PLEKHO2: variants seen among roughly 807,000 people sequenced by gnomAD.
PLEKHO2 encodes the protein pleckstrin homology domain-containing family O member 2.
Under a neutral mutation model 32.7 loss-of-function variants are expected in PLEKHO2, and 20 were observed. That is an observed-to-expected ratio of 0.61 (90% confidence interval 0.43 to 0.89). The LOEUF is 0.89. Ranked by LOEUF, PLEKHO2 falls within the 40% of genes least tolerant of loss-of-function variation. The probability of loss-of-function intolerance (pLI) is 0.00; values close to 1 mark genes in which losing one functional copy is unlikely to be tolerated. For synonymous variants in PLEKHO2, 247 were observed against 246.3 expected, an observed-to-expected ratio of 1.00 and a Z score of -0.03; for missense variants, 568 against 621.2, an observed-to-expected ratio of 0.91 and a Z score of 0.91.
rs1410600583 is a variant in PLEKHO2 at position 64,866,752 on chromosome 15, A to T, written c.*864A>T. 2 of 163,786 alleles carry T rather than the reference A, an allele frequency of 1.2e-5. No homozygotes were observed. The highest frequency in any genetic ancestry group is 2.7e-5 in the Non-Finnish European group (2 of 75,170). 10.1% of individuals were successfully genotyped at this position (163,786 alleles called of 1,614,324 possible). Reference sequence around the variant, plus strand: ...TTAGAAAAACTTACTTGTAATGATCATGTCAGCCTTCAGAAGAGAATCCCC... The same window carrying T: ...TTAGAAAAACTTACTTGTAATGATCTTGTCAGCCTTCAGAAGAGAATCCCC... On this transcript the variant is annotated 3_prime_UTR_variant, in exon 6 of 6. Transcript: ENST00000323544.
chr15:64,864,961 A>C lies in PLEKHO2; in HGVS notation c.546A>C (p.Pro182=), dbSNP rs778119389. The part of the protein sequence containing the change: ...RLDLDVPDSG[P]PVFAPSNHVS... ...ATCTTGATGTTCCGGACAGTGGGCC[A>C]CCAGTGTTTGCCCCCAGCAATCATG... Residue 182 remains proline, a synonymous_variant, in exon 6 of 6, where the codon CCA becomes CCC. Transcript: ENST00000323544. 5 of 1,614,074 alleles carry C rather than the reference A, an allele frequency of 3.1e-6. No homozygotes were observed. The highest frequency in any genetic ancestry group is 1.7e-6 in the Non-Finnish European group (2 of 1,180,010).
At chr15:64,857,925 C>T (rs1314138759) in intron 3 of PLEKHO2, among the ~76,000 whole-genome samples, 2 of 152,194 alleles carry the variant, frequency 1.3e-5, no homozygotes, top group African/African-American at 4.8e-5. Context: ...CCATTGGCTC[C>T]TGAGTTCAGC....
intron 5 of PLEKHO2, among the ~76,000 whole-genome samples, chr15:64,863,549 G>C (rs1043704939): frequency 6.7e-6 from 1 of 148,340 alleles, no homozygotes; most frequent in Non-Finnish European, 1.5e-5. Context: ...GTGTGTGTGT[G>C]TGTGGTGTGT....
At chr15:64,858,659 C>T (rs2084621949) in intron 3 of PLEKHO2, among the ~76,000 whole-genome samples, 1 of 152,124 alleles carries the variant, frequency 6.6e-6, no homozygotes, top group Non-Finnish European at 1.5e-5. Context: ...CTGTTTTGTC[C>T]AGAGGGAAGG....
At chr15:64,855,867 C>CT (rs1046732959) in intron 3 of PLEKHO2, among the ~76,000 whole-genome samples, 2 of 152,218 alleles carry the variant, frequency 1.3e-5, no homozygotes, top group African/African-American at 4.8e-5. Flanking sequence ...GGGAGCAAGT[C>CT]TGGTCTGGGC....
chr15:64,848,657 A>G lies in PLEKHO2; in HGVS notation c.77A>G (p.Lys26Arg). Residue 26 changes from lysine to arginine, a missense_variant, in exon 2 of 6, where the codon AAG becomes AGG. Coordinates refer to ENST00000323544, the MANE Select transcript of PLEKHO2 (RefSeq NM_025201.5). ...AQMVDKAGWI[K>R]KSSGGLLGFW... ...ATGGTGGACAAGGCTGGCTGGATCA[A>G]GAAGAGCAGTGGGGGCCTCCTGGGT... The G allele has an allele frequency of 5.6e-6, 9 of 1,614,192 alleles. No individual in the cohort carries two copies. The highest frequency in any genetic ancestry group is 7.6e-6 in the Non-Finnish European group (9 of 1,180,040).
chr15:64,849,740 G>T (rs538997081), intron 2 of PLEKHO2, among the ~76,000 whole-genome samples: 1 of 150,496 alleles, frequency 6.6e-6, no homozygotes, highest in African/African-American at 2.4e-5. Context: ...TGCGTGCCCA[G>T]CGGAGAGTTC....
chr15:64,864,928 G>A lies in PLEKHO2; in HGVS notation c.513G>A (p.Leu171=), dbSNP rs763827560. The A allele has an allele frequency of 3.7e-6, 6 of 1,612,218 alleles. No individual in the cohort carries two copies. The highest frequency in any genetic ancestry group is 1.1e-5 in the South Asian group (1 of 91,002). ...CCAGTGCAGCTTCTGACGGTCTTCT[G>A]CGCCTGGATCTTGATGTTCCGGACA... ...EVASAASDGL[L]RLDLDVPDSG... Residue 171 remains leucine (L), a synonymous_variant, in exon 6 of 6, where the codon CTG becomes CTA. Transcript: ENST00000323544.
chr15:64,843,437 T>G (rs1158969980), intron 1 of PLEKHO2, among the ~76,000 whole-genome samples: 3 of 152,170 alleles, frequency 2.0e-5, no homozygotes, highest in Non-Finnish European at 2.9e-5. Context: ...GCCCCTCCCC[T>G]GCTCCCAGAG....
At chr15:64,859,784 G>A in intron 3 of PLEKHO2, 110 bp from the exon 4 acceptor site, 1 of 849,110 alleles carries the variant, frequency 1.2e-6, no homozygotes, top group Non-Finnish European at 2.0e-6. Context: ...ATACTTAACT[G>A]TGGGGTCATT....
rs759764305 is a variant in PLEKHO2, at chr15:64,861,581, G to T, written c.483+6G>T. 4.0e-5 allele frequency: 64 copies of T among 1,585,994 alleles called. No homozygotes were observed. Among genetic ancestry groups the T allele is most frequent in the Non-Finnish European group, 4.3e-6 (5 of 1,167,460 alleles). On this transcript the variant is annotated splice_donor_region_variant and intron_variant, in intron 5 of 5. Transcript: ENST00000323544. The stretch of plus-strand genomic sequence containing the variant: ...CGAGAGTCCACCTGAAGGAGGTAGG[G>T]CCTTACCCAGTGTGGATGTTGGGGT...
At position 64,861,412 on chromosome 15, in the gene PLEKHO2, G is replaced by A. The variant is rs74019338; in HGVS notation, c.385-65G>A. 8.0e-4 allele frequency: 1,051 copies of A among 1,318,822 alleles called. 9 individuals are homozygous for A. In the African/African-American group the frequency reaches 0.014, roughly 17 times the overall value. The allele number at this position is 1,318,822 out of a possible 1,614,324, so 81.7% of individuals were successfully genotyped here. ...CTGACCCTGGCTCTGAGCCAGGTCC[G>A]CCCTGGCTACTTCCCACACTCCCCA... On this transcript the variant is annotated intron_variant, in intron 4 of 5. Coordinates refer to ENST00000323544, the MANE Select transcript of PLEKHO2 (RefSeq NM_025201.5).
chr15:64,864,678 A>G (rs1284747582), intron 5 of PLEKHO2, among the ~76,000 whole-genome samples: 11 of 152,202 alleles, frequency 7.2e-5, no homozygotes, highest in Admixed American at 7.2e-4. Context: ...GTGATTCCAA[A>G]ACAGGGAATT....
rs532396883 is a variant in PLEKHO2 at position 64,846,219 on chromosome 15, CCTT to C, written c.13-2370_13-2368del. ...GCATGATGGAATGGGAGAGCCTTTC[CCTT>C]CTTGTCAAAGGGTGCTGAAATCCCT... On this transcript the variant is annotated intron_variant, in intron 1 of 5. Transcript: ENST00000323544. Among the ~76,000 whole-genome samples the C allele has an allele frequency of 7.2e-5, 11 of 152,174 alleles. No homozygotes were observed. In the South Asian group the frequency reaches 2.1e-3, roughly 29 times the overall value.
chr15:64,853,508 A>G (rs1415191647), intron 2 of PLEKHO2, among the ~76,000 whole-genome samples: 2 of 151,692 alleles, frequency 1.3e-5, no homozygotes, highest in Admixed American at 6.6e-5. Flanking sequence ...GTTGGCCAGT[A>G]TGGTCTCGAT....
chr15:64,857,368 C>T (rs2084612335), intron 3 of PLEKHO2, among the ~76,000 whole-genome samples: 1 of 152,190 alleles, frequency 6.6e-6, no homozygotes, highest in East Asian at 1.9e-4. Flanking sequence ...CAGGATCTCA[C>T]TCTGTCACCC....
chr15:64,855,114 G>GGCCT, intron 3 of PLEKHO2, 77 bp downstream of exon 3: 4 of 1,168,648 alleles, frequency 3.4e-6, no homozygotes, highest in Non-Finnish European at 3.7e-6. Flanking sequence ...GTTTAAGGCA[G>GGCCT]GCCTGGCCCC....
Position 64,865,860 on chromosome 15 carries a change from T to G in PLEKHO2, c.1445T>G (p.Val482Gly), listed in dbSNP as rs1361588829. The G allele has an allele frequency of 6.2e-7, 1 of 1,608,950 alleles. No homozygotes were observed. Among genetic ancestry groups the G allele is most frequent in the Admixed American group, 1.7e-5 (1 of 60,004 alleles). ...PGLREKRKEL[V>G]TLYRRSAP ...CTAAGGGAGAAGCGGAAGGAGCTGGTGACCCTCTACAGGAGAAGTGCACCC... is the reference window on the plus strand; with the variant it reads ...CTAAGGGAGAAGCGGAAGGAGCTGGGGACCCTCTACAGGAGAAGTGCACCC... Residue 482 changes from valine (V) to glycine (G), a missense_variant, in exon 6 of 6, where the codon GTG (valine) becomes GGG (glycine). Transcript: ENST00000323544.
chr15:64,848,094 G>C (rs564007562), intron 1 of PLEKHO2, among the ~76,000 whole-genome samples: 4 of 152,326 alleles, frequency 2.6e-5, no homozygotes, highest in Non-Finnish European at 5.9e-5. Context: ...TGAGCTCTGA[G>C]GACAGAGACT....
Sources: allele counts gnomAD v4.1 joint callset (sites outside exome capture counted in the v4.1 genomes callset), GRCh38; gene constraint gnomAD v4.1.1; transcripts MANE v1.5; gene names NCBI Gene and HGNC (gene_info 2026-07-23, HGNC 2026-07-21).